The following GRIN2A variants were observed in gnomAD, a reference collection of about 807,000 sequenced individuals.
GRIN2A encodes the protein glutamate receptor ionotropic, NMDA 2A.
A neutral mutation model predicts 113.4 loss-of-function variants in GRIN2A; 22 were observed. That is an observed-to-expected ratio of 0.19 (90% CI 0.14 to 0.28). GRIN2A has a LOEUF of 0.28. Ranked by LOEUF, GRIN2A falls within the 10% of genes least tolerant of loss-of-function variation. The pLI is 1.00. For missense variants in GRIN2A, 1,502 were observed against 1,887.0 expected, an observed-to-expected ratio of 0.80 and a Z score of 3.78; for synonymous variants, 827 against 738.4, an observed-to-expected ratio of 1.12 and a Z score of -1.94.
At chr16:10,178,487 C>T (rs2050194569) in intron 2 of GRIN2A, among the ~76,000 whole-genome samples, 1 of 152,182 alleles carries the variant, frequency 6.6e-6, no homozygotes, top group Non-Finnish European at 1.5e-5. Context: ...TCCAAGAAAC[C>T]CTAAGATGCT....
In GRIN2A at chr16:9,762,947, C is replaced by T; in HGVS notation, c.*202G>A. On this transcript the variant is annotated 3_prime_UTR_variant, in exon 13 of 13. Transcript: ENST00000330684. ...ACTCACCTATCTGGTGTCTGCCATGCTCAGCACACACCTCACAAGATTCCT... is the reference window on the plus strand; with the variant it reads ...ACTCACCTATCTGGTGTCTGCCATGTTCAGCACACACCTCACAAGATTCCT... 2 of 622,936 alleles carry T rather than the reference C, an allele frequency of 3.2e-6. No individual in the cohort carries two copies. Among genetic ancestry groups the T allele is most frequent in the South Asian group, 3.9e-5 (2 of 51,026 alleles). 38.6% of individuals were successfully genotyped at this position (622,936 alleles called of 1,614,324 possible).
At chr16:9,794,894 G>C (rs1428926909) in intron 11 of GRIN2A, among the ~76,000 whole-genome samples, 3 of 151,170 alleles carry the variant, frequency 2.0e-5, no homozygotes, top group Non-Finnish European at 4.4e-5. Flanking sequence ...TACTAGAGTT[G>C]TGCACGGGCA....
chr16:9,806,541 A>T (rs1374972049), intron 10 of GRIN2A, among the ~76,000 whole-genome samples: 1 of 152,128 alleles, frequency 6.6e-6, no homozygotes, highest in Non-Finnish European at 1.5e-5. Context: ...AGGCAGAGAG[A>T]AGCAGAGAAG....
intron 8 of GRIN2A, among the ~76,000 whole-genome samples, chr16:9,831,450 T>A (rs2042492078): frequency 6.6e-6 from 1 of 151,674 alleles, no homozygotes; most frequent in Non-Finnish European, 1.5e-5. Context: ...GTAGCCCCAG[T>A]GACCTTTTTG....
intron 2 of GRIN2A, among the ~76,000 whole-genome samples, chr16:10,153,420 G>C (rs2049625453): frequency 1.3e-5 from 2 of 152,170 alleles, no homozygotes; most frequent in South Asian, 4.1e-4. Flanking sequence ...CCCAGGTGGA[G>C]TTTAGCAGGG....
chr16:9,842,671 T>C (rs1279309030), intron 5 of GRIN2A, among the ~76,000 whole-genome samples: 2 of 152,202 alleles, frequency 1.3e-5, no homozygotes, highest in African/African-American at 2.4e-5. Flanking sequence ...GTGCAGTGGC[T>C]CATTCCTGTA....
Position 10,039,808 on chromosome 16 carries a change from G to GAGAGAGAGAGAGAGAGAGA in GRIN2A, c.415-101258_415-101257insTCTCTCTCTCTCTCTCTCT, listed in dbSNP as rs373952509. Among the ~76,000 whole-genome samples, 318 of 63,800 alleles carry GAGAGAGAGAGAGAGAGAGA rather than the reference G, an allele frequency of 5.0e-3. 22 individuals are homozygous for GAGAGAGAGAGAGAGAGAGA. The highest frequency in any genetic ancestry group is 0.021 in the African/African-American group (273 of 12,784). The allele number at this position is 63,800 out of a possible 152,430, so 41.9% of individuals were successfully genotyped here. ...AGGGGGAGGGGGAGGGGGAGGGGGG[G>GAGAGAGAGAGAGAGAGAGA]GAGAAAGAGAGAGAGAGAGAGAGAG... On this transcript the variant is annotated intron_variant, in intron 2 of 12. Coordinates refer to ENST00000330684, the MANE Select transcript of GRIN2A (RefSeq NM_001134407.3).
At chr16:9,864,542 G>A (rs556772220) in intron 4 of GRIN2A, among the ~76,000 whole-genome samples, 10 of 152,198 alleles carry the variant, frequency 6.6e-5, no homozygotes, top group Admixed American at 2.0e-4. Flanking sequence ...AAGGAAGCAC[G>A]AGACTTCAAT....
rs979082765 is a variant in GRIN2A at position 9,758,236 on chromosome 16, A to C, written c.*4913T>G. ...GGGCACAGAAAGAGTGCAGGTGAGG[A>C]AAGAGGATAAGGAATTTAAATAGGA... On this transcript the variant is annotated 3_prime_UTR_variant, in exon 13 of 13. Transcript: ENST00000330684. 1 of 222,400 alleles carries C rather than the reference A, an allele frequency of 4.5e-6. No individual in the cohort carries two copies. Among genetic ancestry groups the C allele is most frequent in the Admixed American group, 5.7e-5 (1 of 17,396 alleles). The allele number at this position is 222,400 out of a possible 1,614,324, so 13.8% of individuals were successfully genotyped here. A position where few individuals can be genotyped will look rare whatever the true frequency, so the allele number is the denominator to read the frequency against.
intron 2 of GRIN2A, among the ~76,000 whole-genome samples, chr16:9,954,544 A>G (rs913649909): frequency 1.3e-5 from 2 of 152,192 alleles, no homozygotes; most frequent in Admixed American, 1.3e-4. Flanking sequence ...TCAAGGGGCC[A>G]TTAAACACTC....
chr16:10,161,626 TG>T (rs992461992), intron 2 of GRIN2A, among the ~76,000 whole-genome samples: 1 of 152,210 alleles, frequency 6.6e-6, no homozygotes, highest in African/African-American at 2.4e-5. Flanking sequence ...TTCCTATTGC[TG>T]TTCTAACAAA....
chr16:10,029,691 C>A (rs1379493737), intron 2 of GRIN2A, among the ~76,000 whole-genome samples: 4 of 152,140 alleles, frequency 2.6e-5, no homozygotes, highest in African/African-American at 9.7e-5. Context: ...TTGCGTAAGG[C>A]AGCCAATTAA....
intron 2 of GRIN2A, among the ~76,000 whole-genome samples, chr16:10,174,734 T>C (rs2050110171): frequency 6.6e-6 from 1 of 152,126 alleles, no homozygotes; most frequent in Non-Finnish European, 1.5e-5. Context: ...ATCCATGCTG[T>C]TTCTTTCTAA....
chr16:9,996,862 A>G (rs1167831937), intron 2 of GRIN2A, among the ~76,000 whole-genome samples: 2 of 152,158 alleles, frequency 1.3e-5, no homozygotes. Flanking sequence ...TAAAAATAAA[A>G]TGTTCATTTT....
intron 11 of GRIN2A, among the ~76,000 whole-genome samples, chr16:9,780,600 T>C (rs1481765575): frequency 6.6e-6 from 1 of 152,244 alleles, no homozygotes; most frequent in East Asian, 1.9e-4. Context: ...CTTTCTAGGA[T>C]AGTGGTCACA....
At chr16:10,039,930 AACAC>A (rs1385620396) in intron 2 of GRIN2A, among the ~76,000 whole-genome samples, 1 of 137,358 alleles carries the variant, frequency 7.3e-6, no homozygotes. Context: ...CGCACATGCA[AACAC>A]ACACAACCCA....
intron 2 of GRIN2A, among the ~76,000 whole-genome samples, chr16:10,146,822 A>G (rs892261832): frequency 2.0e-5 from 3 of 151,892 alleles, no homozygotes; most frequent in South Asian, 2.1e-4. Context: ...TGGAGAAACT[A>G]CATAAGCAAC....
Position 9,883,018 on chromosome 16 carries a change from G to A in GRIN2A, c.1122+7968C>T, listed in dbSNP as rs533459124. Among the ~76,000 whole-genome samples, 7 of 152,146 alleles carry A rather than the reference G, an allele frequency of 4.6e-5. No individual in the cohort carries two copies. In the East Asian group the frequency reaches 5.8e-4, roughly 13 times the overall value. ...GTGAACACAGCCTTCGGGGGCAGGC[G>A]GACCTCCACTTACATCCTTCTTCCA... is the stretch of plus-strand genomic sequence containing the variant. On this transcript the variant is annotated intron_variant, in intron 4 of 12. Transcript: ENST00000330684.
intron 2 of GRIN2A, among the ~76,000 whole-genome samples, chr16:10,021,066 G>A (rs2046711326): frequency 6.6e-6 from 1 of 152,182 alleles, no homozygotes. Flanking sequence ...CTGCAATTCA[G>A]CAGAAGTCCT....
Sources: allele counts gnomAD v4.1 joint callset (sites outside exome capture counted in the v4.1 genomes callset), GRCh38; gene constraint gnomAD v4.1.1; transcripts MANE v1.5; gene names NCBI Gene and HGNC (gene_info 2026-07-23, HGNC 2026-07-21).